CPD: variants seen among roughly 807,000 people sequenced by gnomAD.
CPD encodes the protein metallocarboxypeptidase D.
A neutral mutation model predicts 138.3 loss-of-function variants in CPD; 69 were observed. The observed-to-expected ratio is 0.50, with a 90% CI of 0.41 to 0.61. CPD has a LOEUF of 0.61. CPD is among the 20% of genes least tolerant of loss of function. The pLI is 0.00. For synonymous variants in CPD, 651 were observed against 642.1 expected (o/e 1.01, Z -0.21); for missense variants, 1,432 against 1,733.3 (o/e 0.83, Z 3.09).
At chr17:30,439,128 TC>T (rs1419379117) in intron 9 of CPD, 51 bp downstream of exon 9, 1 of 961,420 alleles carries the variant, frequency 1.0e-6, no homozygotes, top group Non-Finnish European at 1.6e-6. Flanking sequence ...CTTTCTGCTT[TC>T]CTAGATGGTG....
intron 9 of CPD, among the ~76,000 whole-genome samples, chr17:30,441,892 C>A (rs1466743484): frequency 6.7e-5 from 10 of 150,122 alleles, no homozygotes; most frequent in African/African-American, 2.5e-4. Flanking sequence ...TGTGTCTCTG[C>A]CCGGCTTTGG....
chr17:30,432,559 A>G (rs1036930924), intron 8 of CPD, among the ~76,000 whole-genome samples: 1 of 152,108 alleles, frequency 6.6e-6, no homozygotes, highest in Non-Finnish European at 1.5e-5. Context: ...AACATGGATT[A>G]CTCTTACAAT....
chr17:30,412,337 A>G (rs570929368), intron 2 of CPD, among the ~76,000 whole-genome samples: 1 of 152,290 alleles, frequency 6.6e-6, no homozygotes, highest in South Asian at 2.1e-4. Flanking sequence ...GGGATCAGGG[A>G]CCCACTTGAA....
chr17:30,453,673 G>A (rs980760593), intron 14 of CPD, among the ~76,000 whole-genome samples: 2 of 152,208 alleles, frequency 1.3e-5, no homozygotes, highest in East Asian at 1.9e-4. Context: ...CTGTGTGGGG[G>A]CTCTGATCCC....
chr17:30,464,880 A>G lies in CPD; in HGVS notation c.*66A>G. ...AAATTACAGTTCCTCTTGGGAGAAC[A>G]CTGCATTAAGAAGAGAGACTCTCTT... On this transcript the variant is annotated 3_prime_UTR_variant, in exon 21 of 21. Transcript: ENST00000225719. 1.6e-6 allele frequency: 2 copies of G among 1,242,878 alleles called. No homozygotes were observed. The highest frequency in any genetic ancestry group is 1.7e-5 in the Admixed American group (1 of 58,528). The allele number at this position is 1,242,878 out of a possible 1,614,324, so 77.0% of individuals were successfully genotyped here.
At chr17:30,430,722 T>C (rs1392518331) in intron 7 of CPD, among the ~76,000 whole-genome samples, 1 of 152,138 alleles carries the variant, frequency 6.6e-6, no homozygotes, top group East Asian at 1.9e-4. Context: ...GGTGTGATCA[T>C]GGCTCACTGC....
At chr17:30,381,671 A>G (rs1159344938) in intron 1 of CPD, among the ~76,000 whole-genome samples, 1 of 152,188 alleles carries the variant, frequency 6.6e-6, no homozygotes, top group East Asian at 1.9e-4. Flanking sequence ...CACACACACA[A>G]TTTGATATTG....
At chr17:30,409,775 A>G (rs765186031) in intron 2 of CPD, among the ~76,000 whole-genome samples, 16 of 151,950 alleles carry the variant, frequency 1.1e-4, no homozygotes, top group African/African-American at 3.4e-4. Flanking sequence ...CTAGCAGTCT[A>G]TCAATTCTGT....
intron 2 of CPD, among the ~76,000 whole-genome samples, chr17:30,410,191 T>C (rs1911924252): frequency 6.6e-6 from 1 of 152,174 alleles, no homozygotes; most frequent in South Asian, 2.1e-4. Context: ...TAATCCTGAG[T>C]TCTAATTTGA....
intron 2 of CPD, among the ~76,000 whole-genome samples, chr17:30,404,281 C>T (rs1911749727): frequency 6.6e-6 from 1 of 152,068 alleles, no homozygotes. Context: ...TGTCAAAATT[C>T]TTTTGAATCA....
chr17:30,418,556 A>G (rs768434169), intron 2 of CPD, among the ~76,000 whole-genome samples: 7 of 152,128 alleles, frequency 4.6e-5, no homozygotes, highest in Non-Finnish European at 1.0e-4. Context: ...CATTTTTTAA[A>G]TTGTGGTAAA....
Position 30,461,977 on chromosome 17 carries a change from A to G in CPD, c.3731A>G (p.Glu1244Gly). 6.2e-7 allele frequency: 1 copy of G among 1,613,994 alleles called. No homozygotes were observed. The highest frequency in any genetic ancestry group is 8.5e-7 in the Non-Finnish European group (1 of 1,179,910). The change falls in exon 19 of 21, where the codon GAG becomes GGG. Residue 1244 changes from glutamate to glycine, a missense_variant. This residue lies in a region of CPD where 366 missense variants were observed against 518.8 expected (regional missense o/e 0.71). Transcript: ENST00000225719. The stretch of plus-strand genomic sequence containing the variant: ...GAAGGAATAAAGGTACAAACAAAAG[A>G]GGGAGGTTATTTCCATGTACTCTTA... ...LNEGIKVQTK[E>G]GGYFHVLLAP...
intron 6 of CPD, among the ~76,000 whole-genome samples, chr17:30,424,987 T>C (rs879604829): frequency 6.6e-6 from 1 of 152,196 alleles, no homozygotes; most frequent in Admixed American, 6.5e-5. Context: ...ATCTTACTTA[T>C]ATATGTATAT....
At chr17:30,410,925 G>A (rs1203168529) in intron 2 of CPD, among the ~76,000 whole-genome samples, 4 of 141,700 alleles carry the variant, frequency 2.8e-5, no homozygotes, top group Non-Finnish European at 4.6e-5. Flanking sequence ...TATTTTGCCC[G>A]TTAATTGATG....
At position 30,439,471 on chromosome 17, in the gene CPD, A is replaced by C. The variant is rs1394095169; in HGVS notation, c.2230+394A>C. Among the ~76,000 whole-genome samples the C allele has an allele frequency of 8.2e-5, 11 of 133,398 alleles. No homozygotes were observed. The South Asian group carries it at 1.7e-3, about 21-fold the overall frequency. 87.5% of individuals were successfully genotyped at this position (133,398 alleles called of 152,430 possible). On this transcript the variant is annotated intron_variant, in intron 9 of 20. Transcript: ENST00000225719. ...TGTGCACATTGTGCAGGTTAGTTAC[A>C]TATGTATACATGTGCCATGCTGGTG...
Position 30,466,101 on chromosome 17 carries a change from C to T in CPD, c.*1287C>T, listed in dbSNP as rs542597224. 4 of 152,648 alleles carry T rather than the reference C, an allele frequency of 2.6e-5. No individual in the cohort carries two copies. Among genetic ancestry groups the T allele is most frequent in the South Asian group, 4.1e-4 (2 of 4,824 alleles). The allele number at this position is 152,648 out of a possible 1,614,324, so 9.5% of individuals were successfully genotyped here. On this transcript the variant is annotated 3_prime_UTR_variant, in exon 21 of 21. Transcript: ENST00000225719. ...TCTTCACTGCCAATCAGGCAAAGAC[C>T]GGAAAGATTTGCATTTTATTATGTC...
At chr17:30,419,228 C>T (rs1912198813) in intron 2 of CPD, among the ~76,000 whole-genome samples, 1 of 152,168 alleles carries the variant, frequency 6.6e-6, no homozygotes, top group Non-Finnish European at 1.5e-5. Context: ...TGATGAACTC[C>T]TAATAAGCTG....
intron 20 of CPD, among the ~76,000 whole-genome samples, chr17:30,463,463 C>T (rs1043541464): frequency 2.0e-5 from 3 of 152,092 alleles, no homozygotes; most frequent in Non-Finnish European, 4.4e-5. Context: ...TCATAAGTTC[C>T]TAGGACTTTG....
rs186958459 is a variant in CPD at position 30,431,824 on chromosome 17, A to G, written c.2070A>G (p.Thr690=). The G allele has an allele frequency of 5.9e-5, 95 of 1,613,364 alleles. No homozygotes were observed. In the Admixed American group the frequency reaches 1.6e-3, roughly 26 times the overall value. Residue 690 remains threonine (T), a synonymous_variant, in exon 8 of 21, where the codon ACA becomes ACG. Transcript: ENST00000225719. ...PFDDDEQGLA[T]YSKSPDDAVF... ...ATGATGATGAACAAGGACTTGCCAC[A>G]TATAGTAAATCACCAGATGATGCTG...
Sources: allele counts gnomAD v4.1 joint callset (sites outside exome capture counted in the v4.1 genomes callset), GRCh38; gene constraint gnomAD v4.1.1; regional missense constraint gnomAD v4.1.1; transcripts MANE v1.5; gene names NCBI Gene and HGNC (gene_info 2026-07-23, HGNC 2026-07-21).